ADK: variants seen among roughly 807,000 people sequenced by gnomAD.
The protein encoded by ADK is N6,N6-dimethyladenosine kinase.
A neutral mutation model predicts 44.7 loss-of-function variants in ADK; 24 were observed. That is an observed-to-expected ratio of 0.54 (90% CI 0.39 to 0.76). The LOEUF (loss-of-function observed/expected upper bound fraction) is 0.76. Among genes scored for constraint, ADK ranks in the 30% least tolerant of loss-of-function variants. The pLI, the probability that ADK is intolerant of heterozygous loss-of-function variation, is 0.00. For synonymous variants in ADK, 128 were observed against 142.6 expected (o/e 0.90, Z 0.73); for missense variants, 321 against 425.1 (o/e 0.76, Z 2.15).
intron 4 of ADK, among the ~76,000 whole-genome samples, chr10:74,345,550 C>A (rs530556388): frequency 6.6e-6 from 1 of 152,286 alleles, no homozygotes; most frequent in Admixed American, 6.5e-5. Flanking sequence ...CAAAGTGAAA[C>A]CCCTGCCTTG....
chr10:74,176,298 T>A (rs1457476015), intron 1 of ADK, among the ~76,000 whole-genome samples: 13 of 152,232 alleles, frequency 8.5e-5, no homozygotes, highest in Admixed American at 4.6e-4. Context: ...CATTTTATAT[T>A]TTCCTAGGCT....
intron 10 of ADK, among the ~76,000 whole-genome samples, chr10:74,683,510 C>T (rs1242710599): frequency 6.6e-6 from 1 of 152,062 alleles, no homozygotes; most frequent in Non-Finnish European, 1.5e-5. Flanking sequence ...GAAGGTAAGA[C>T]TGAAACACCA....
intron 1 of ADK, among the ~76,000 whole-genome samples, chr10:74,194,954 G>A (rs1260033519): frequency 6.6e-6 from 1 of 152,106 alleles, no homozygotes; most frequent in East Asian, 1.9e-4. Flanking sequence ...GATTTTCTCA[G>A]GAACTCTTAC....
At chr10:74,555,252 CT>C (rs1407481296) in intron 7 of ADK, among the ~76,000 whole-genome samples, 2 of 152,234 alleles carry the variant, frequency 1.3e-5, no homozygotes, top group African/African-American at 4.8e-5. Context: ...AGAGCAAGAC[CT>C]TGTCTCAATA....
intron 6 of ADK, among the ~76,000 whole-genome samples, chr10:74,411,853 T>C (rs1310768378): frequency 1.3e-5 from 2 of 152,352 alleles, no homozygotes; most frequent in South Asian, 2.1e-4. Flanking sequence ...TTAACAGTTA[T>C]GTTTATGCAG....
intron 9 of ADK, among the ~76,000 whole-genome samples, chr10:74,665,980 C>T (rs943200456): frequency 6.6e-6 from 1 of 152,102 alleles, no homozygotes; most frequent in African/African-American, 2.4e-5. Flanking sequence ...CTAAGGATAT[C>T]GTGAGGTTGT....
chr10:74,189,351 G>A, intron 1 of ADK, among the ~76,000 whole-genome samples: 1 of 152,152 alleles, frequency 6.6e-6, no homozygotes, highest in East Asian at 1.9e-4. Flanking sequence ...TAAATGATAA[G>A]TTGTTTATCA....
chr10:74,636,876 AAAG>A (rs1259998143), intron 9 of ADK, among the ~76,000 whole-genome samples: 1 of 152,224 alleles, frequency 6.6e-6, no homozygotes, highest in East Asian at 1.9e-4. Context: ...AGTCACAGGC[AAAG>A]AAGAGTAGAG....
chr10:74,404,177 G>GTT (rs34848917), intron 6 of ADK, among the ~76,000 whole-genome samples: 2 of 144,702 alleles, frequency 1.4e-5, no homozygotes, highest in African/African-American at 2.6e-5. Context: ...CAGCCTAATT[G>GTT]TTTTTTTTTT....
chr10:74,505,015 A>G (rs1200219789), intron 6 of ADK, among the ~76,000 whole-genome samples: 3 of 152,062 alleles, frequency 2.0e-5, no homozygotes, highest in Non-Finnish European at 2.9e-5. Context: ...TCTTCATCCT[A>G]GTAGTCTTCA....
intron 7 of ADK, among the ~76,000 whole-genome samples, chr10:74,584,564 A>G (rs1350823348): frequency 1.3e-5 from 2 of 152,206 alleles, no homozygotes; most frequent in Non-Finnish European, 2.9e-5. Context: ...TTTTTATTAT[A>G]CAGAGATTTT....
At chr10:74,643,342 G>C (rs186616464) in intron 9 of ADK, among the ~76,000 whole-genome samples, 1 of 152,232 alleles carries the variant, frequency 6.6e-6, no homozygotes, top group Admixed American at 6.5e-5. Flanking sequence ...ATAGGTTCTA[G>C]TTCTACTTTG....
chr10:74,566,211 T>TC lies in ADK; in HGVS notation c.727-23071_727-23070insC, dbSNP rs1474774089. Among the ~76,000 whole-genome samples the TC allele has an allele frequency of 4.3e-4, 62 of 144,990 alleles. 1 individual carries two copies. The highest frequency in any genetic ancestry group is 5.6e-4 in the Non-Finnish European group (37 of 66,016). On this transcript the variant is annotated intron_variant, in intron 7 of 10. Transcript: ENST00000539909. ...ATTTTCTCTCTCTCTCTTTTTTTTT[T>TC]TTTTTTTTTTTTGTGGAGACAGTCT...
intron 1 of ADK, among the ~76,000 whole-genome samples, chr10:74,169,968 AAAGTTATTGGT>A (rs1842117144): frequency 6.6e-6 from 1 of 152,236 alleles, no homozygotes; most frequent in Non-Finnish European, 1.5e-5. Context: ...CAAAAGTAAT[AAAGTTATTGGT>A]AAGTCCAGGA....
intron 7 of ADK, among the ~76,000 whole-genome samples, chr10:74,558,777 C>A (rs962083149): frequency 5.3e-5 from 8 of 152,148 alleles, no homozygotes; most frequent in Non-Finnish European, 1.0e-4. Flanking sequence ...GCAGGCACTT[C>A]TGGAAGCTAG....
intron 4 of ADK, among the ~76,000 whole-genome samples, chr10:74,324,244 G>T (rs1840929115): frequency 6.6e-6 from 1 of 151,780 alleles, no homozygotes; most frequent in African/African-American, 2.4e-5. Flanking sequence ...TGCACAGGCT[G>T]ATGTTGAATT....
chr10:74,261,864 C>A (rs1846051158), intron 3 of ADK, among the ~76,000 whole-genome samples: 1 of 151,412 alleles, frequency 6.6e-6, no homozygotes, highest in Non-Finnish European at 1.5e-5. Flanking sequence ...TTGTTCTGAG[C>A]ATGTAATGGG....
intron 7 of ADK, among the ~76,000 whole-genome samples, chr10:74,580,150 C>A (rs544684790): frequency 3.3e-5 from 5 of 152,170 alleles, no homozygotes; most frequent in Non-Finnish European, 5.9e-5. Flanking sequence ...GGCTGTGTCC[C>A]CATCCAAATC....
At chr10:74,252,472 G>A (rs1845682990) in intron 3 of ADK, among the ~76,000 whole-genome samples, 1 of 152,160 alleles carries the variant, frequency 6.6e-6, no homozygotes, top group South Asian at 2.1e-4. Flanking sequence ...AGGCACTGTA[G>A]GGCTTGCATT....
Sources: allele counts gnomAD v4.1 joint callset (sites outside exome capture counted in the v4.1 genomes callset), GRCh38; gene constraint gnomAD v4.1.1; transcripts MANE v1.5; gene names NCBI Gene and HGNC (gene_info 2026-07-23, HGNC 2026-07-21).